Variants in PLCE1 observed in about 807,000 individuals in gnomAD.
The protein encoded by PLCE1 is 1-phosphatidylinositol 4,5-bisphosphate phosphodiesterase epsilon-1.
A neutral mutation model predicts 242.8 loss-of-function variants in PLCE1; 119 were observed. The ratio of observed to expected loss-of-function variants is 0.49; its 90% CI spans 0.42 to 0.57. PLCE1 has a LOEUF of 0.57. PLCE1 is among the 20% of genes least tolerant of loss of function. The probability of loss-of-function intolerance (pLI) is 0.00; values close to 1 mark genes in which losing one functional copy is unlikely to be tolerated. For missense variants in PLCE1, 2,441 were observed against 2,788.8 expected, an observed-to-expected ratio of 0.88 and a Z score of 2.81; for synonymous variants, 945 against 1,017.4, an observed-to-expected ratio of 0.93 and a Z score of 1.35.
At chr10:94,063,966 G>C (rs930513907) in intron 2 of PLCE1, among the ~76,000 whole-genome samples, 39 of 152,060 alleles carry the variant, frequency 2.6e-4, no homozygotes, top group African/African-American at 8.0e-4. Flanking sequence ...CATTGAAGGG[G>C]CTGAAAAAAG....
intron 3 of PLCE1, among the ~76,000 whole-genome samples, chr10:94,153,460 C>T (rs946130049): frequency 2.6e-5 from 4 of 152,136 alleles, no homozygotes; most frequent in African/African-American, 9.7e-5. Context: ...CCACAGCTGA[C>T]ATCACACATG....
intron 28 of PLCE1, among the ~76,000 whole-genome samples, chr10:94,314,465 A>T (rs2053501446): frequency 6.6e-6 from 1 of 152,080 alleles, no homozygotes; most frequent in Non-Finnish European, 1.5e-5. Context: ...GTGGTGGCGC[A>T]CATCTGTAGT....
intron 8 of PLCE1, among the ~76,000 whole-genome samples, chr10:94,251,864 C>T (rs1459804038): frequency 6.6e-6 from 1 of 152,170 alleles, no homozygotes; most frequent in African/African-American, 2.4e-5. Flanking sequence ...TATTTCAAGT[C>T]CGACTGTCCC....
At chr10:94,092,158 C>T (rs540337843) in intron 2 of PLCE1, among the ~76,000 whole-genome samples, 2 of 152,196 alleles carry the variant, frequency 1.3e-5, no homozygotes, top group South Asian at 2.1e-4. Context: ...AGTCAATAAA[C>T]CTCAAGAATC....
intron 30 of PLCE1, among the ~76,000 whole-genome samples, chr10:94,323,400 CTTAG>C (rs1289589608): frequency 1.1e-4 from 16 of 152,154 alleles, no homozygotes; most frequent in African/African-American, 3.9e-4. Flanking sequence ...AGATCTGTGC[CTTAG>C]TTATAGTAGT....
intron 2 of PLCE1, among the ~76,000 whole-genome samples, chr10:94,063,077 C>T (rs1485878990): frequency 6.6e-6 from 1 of 152,170 alleles, no homozygotes; most frequent in Non-Finnish European, 1.5e-5. Flanking sequence ...CACCTGGACT[C>T]CTCTCCCACA....
intron 1 of PLCE1, among the ~76,000 whole-genome samples, chr10:94,001,195 G>C (rs1239222931): frequency 6.6e-6 from 1 of 152,168 alleles, no homozygotes; most frequent in East Asian, 1.9e-4. Context: ...GCCTAATCTT[G>C]ACAGGGCTGT....
intron 20 of PLCE1, chr10:94,283,125 T>C (rs1050408056): frequency 2.4e-4 from 37 of 152,242 alleles, no homozygotes; most frequent in African/African-American, 8.9e-4. Context: ...ACCTTTAGAG[T>C]CATTCCAAAT....
chr10:94,027,048 C>T (rs924877102), intron 1 of PLCE1, among the ~76,000 whole-genome samples: 3 of 152,028 alleles, frequency 2.0e-5, no homozygotes, highest in African/African-American at 7.2e-5. Flanking sequence ...CCTGAGATAC[C>T]AGACCCCAAT....
At chr10:94,144,972 TC>T (rs2047071245) in intron 3 of PLCE1, among the ~76,000 whole-genome samples, 1 of 152,196 alleles carries the variant, frequency 6.6e-6, no homozygotes, top group Non-Finnish European at 1.5e-5. Context: ...TAACATAGGC[TC>T]TTGTTAAGGG....
intron 2 of PLCE1, among the ~76,000 whole-genome samples, chr10:94,087,637 C>A (rs1360039443): frequency 6.6e-6 from 1 of 151,988 alleles, no homozygotes; most frequent in African/African-American, 2.4e-5. Context: ...GGGGAGGGGT[C>A]TTACCATGTT....
chr10:94,162,101 A>G (rs2047635710), intron 3 of PLCE1, among the ~76,000 whole-genome samples: 1 of 152,280 alleles, frequency 6.6e-6, no homozygotes, highest in Non-Finnish European at 1.5e-5. Flanking sequence ...CATCAGGGAT[A>G]TTGGTCTAAA....
intron 2 of PLCE1, among the ~76,000 whole-genome samples, chr10:94,056,974 GT>G (rs1381869530): frequency 6.6e-6 from 1 of 152,158 alleles, no homozygotes; most frequent in Admixed American, 6.5e-5. Context: ...TACAGCATAT[GT>G]TAGTACTTCA....
chr10:94,303,853 T>C (rs2133604031), intron 24 of PLCE1, among the ~76,000 whole-genome samples: 1 of 152,262 alleles, frequency 6.6e-6, no homozygotes, highest in Admixed American at 6.5e-5. Context: ...TATAACAGCC[T>C]TGTCTCCTTG....
At chr10:94,008,494 A>G (rs1302025392) in intron 1 of PLCE1, among the ~76,000 whole-genome samples, 2 of 152,086 alleles carry the variant, frequency 1.3e-5, no homozygotes, top group African/African-American at 4.8e-5. Context: ...TTTTTAATAA[A>G]GACAGCGTTT....
At chr10:94,155,796 G>A (rs1199773881) in intron 3 of PLCE1, 1 of 151,846 alleles carries the variant, frequency 6.6e-6, no homozygotes, top group South Asian at 2.1e-4. Context: ...AAAAAAGAGA[G>A]AGAGAGAGAG....
At chr10:94,080,636 T>A (rs2044628411) in intron 2 of PLCE1, among the ~76,000 whole-genome samples, 1 of 152,232 alleles carries the variant, frequency 6.6e-6, no homozygotes. Flanking sequence ...ATCATTCACC[T>A]GTCCTTTTCA....
chr10:94,270,714 G>C (rs1478720831), intron 18 of PLCE1, 112 bp downstream of exon 18: 14 of 773,952 alleles, frequency 1.8e-5, no homozygotes, highest in Non-Finnish European at 2.8e-5. Context: ...CTCTCACCCA[G>C]GCTGGAGTGC....
chr10:94,059,658 A>G (rs1292015062), intron 2 of PLCE1, among the ~76,000 whole-genome samples: 1 of 152,228 alleles, frequency 6.6e-6, no homozygotes, highest in Non-Finnish European at 1.5e-5. Context: ...TGCTTTGCAT[A>G]TTAGAAATAT....
Sources: gnomAD v4.1 joint callset for allele counts (sites outside exome capture counted in the v4.1 genomes callset) on GRCh38, gnomAD v4.1.1 for gene constraint, MANE v1.5 for transcripts, NCBI Gene and HGNC (gene_info 2026-07-23, HGNC 2026-07-21) for gene names.